The following HHIPL1 variants were observed in gnomAD, a reference collection of about 807,000 sequenced individuals.
HHIPL1 encodes the protein HHIP-like protein 1.
Under a neutral mutation model 61.8 loss-of-function variants are expected in HHIPL1, and 43 were observed. The observed-to-expected ratio is 0.70, with a 90% CI of 0.55 to 0.90. HHIPL1 has a LOEUF of 0.90. Ranked by LOEUF, HHIPL1 falls within the 40% of genes least tolerant of loss-of-function variation. The probability of loss-of-function intolerance (pLI) is 0.00; values close to 1 mark genes in which losing one functional copy is unlikely to be tolerated. For synonymous variants in HHIPL1, 482 were observed against 515.8 expected (o/e 0.93, Z 0.89); for missense variants, 1,056 against 1,157.7 (o/e 0.91, Z 1.28).
At chr14:99,659,161 A>G (rs1159389708) in intron 3 of HHIPL1, among the ~76,000 whole-genome samples, 1 of 152,220 alleles carries the variant, frequency 6.6e-6, no homozygotes, top group Non-Finnish European at 1.5e-5. Flanking sequence ...TGTTGTGAGG[A>G]CAAGACGAAA....
chr14:99,661,246 G>A (rs1365910960), intron 5 of HHIPL1, among the ~76,000 whole-genome samples: 1 of 152,130 alleles, frequency 6.6e-6, no homozygotes, highest in Non-Finnish European at 1.5e-5. Flanking sequence ...AGGTGACCTT[G>A]AGCCAGTTAC....
At position 99,668,187 on chromosome 14, in the gene HHIPL1, TG is replaced by T. The variant is rs2056276621; in HGVS notation, c.1649-30del. The T allele has an allele frequency of 7.5e-7, 1 of 1,335,638 alleles. No individual in the cohort carries two copies. Among genetic ancestry groups the T allele is most frequent in the Non-Finnish European group, 1.1e-6 (1 of 926,824 alleles). 82.7% of individuals were successfully genotyped at this position (1,335,638 alleles called of 1,614,324 possible). A position where few individuals can be genotyped will look rare whatever the true frequency, so the allele number is the denominator to read the frequency against. ...GGGCTGGCTGGGACGGTATTCCAGGTGGGGGTCTCACTAGTCACTTTGTTCT... is the reference window on the plus strand; with the variant it reads ...GGGCTGGCTGGGACGGTATTCCAGGTGGGGTCTCACTAGTCACTTTGTTCT... On this transcript the variant is annotated intron_variant, in intron 6 of 8. Transcript: ENST00000330710. This position sits in a 1 kb window ranked among gnomAD's most constrained non-coding sequence, Gnocchi z 4.7.
At chr14:99,614,927 C>G in the HHIPL1 span, among the ~76,000 whole-genome samples, 4 of 152,110 alleles carry the variant, frequency 2.6e-5, no homozygotes, top group Non-Finnish European at 5.9e-5. Flanking sequence ...GGACACAAGT[C>G]TCTCCATAAA....
At chr14:99,666,765 C>T (rs1347206026) in intron 6 of HHIPL1, among the ~76,000 whole-genome samples, 1 of 152,190 alleles carries the variant, frequency 6.6e-6, no homozygotes, top group Admixed American at 6.5e-5. Flanking sequence ...CCCAATGCTG[C>T]AGGCTGCATC....
At chr14:99,619,438 G>A in the HHIPL1 span, among the ~76,000 whole-genome samples, 1 of 150,674 alleles carries the variant, frequency 6.6e-6, no homozygotes, top group South Asian at 2.1e-4. Flanking sequence ...CTCTAGCCGG[G>A]GTGACAGTGC....
chr14:99,612,014 C>T, the HHIPL1 span, among the ~76,000 whole-genome samples: 3 of 152,186 alleles, frequency 2.0e-5, no homozygotes, highest in African/African-American at 4.8e-5. Flanking sequence ...CTTTCTTTAA[C>T]CTGCTTTGTC....
rs756403591 is a variant in HHIPL1, at chr14:99,675,378, G to A, written c.2101G>A (p.Asp701Asn). ...FVGGRWGTVC[D>N]DSWNISGAAV... is the part of the protein sequence containing the mutation. ...GGGCGGACGCTGGGGCACCGTGTGC[G>A]ACGACTCCTGGAACATCAGCGGCGC... The change falls in exon 9 of 9, where the codon GAC becomes AAC. Residue 701 changes from aspartate (D) to asparagine (N), a missense_variant. Physicochemically the swap from Asp to Asn is conservative, Grantham distance 23 (BLOSUM62 1). Coordinates refer to ENST00000330710, the MANE Select transcript of HHIPL1 (RefSeq NM_001127258.3). The surrounding 1 kb of genome is among the most constrained non-coding windows in gnomAD (Gnocchi z 5.4). The A allele has an allele frequency of 6.3e-4, 962 of 1,515,280 alleles. 5 individuals carry two copies. The highest frequency in any genetic ancestry group is 1.6e-4 in the Admixed American group (8 of 49,980). The allele number at this position is 1,515,280 out of a possible 1,614,324, so 93.9% of individuals were successfully genotyped here.
chr14:99,614,095 T>A, the HHIPL1 span, among the ~76,000 whole-genome samples: 1 of 152,092 alleles, frequency 6.6e-6, no homozygotes, highest in African/African-American at 2.4e-5. Context: ...CTGCACTCCC[T>A]CTCTGAGCCT....
At chr14:99,635,106 G>A in the HHIPL1 span, among the ~76,000 whole-genome samples, 10 of 152,092 alleles carry the variant, frequency 6.6e-5, no homozygotes, top group African/African-American at 2.4e-4. Flanking sequence ...GGGCAGGGGA[G>A]GGACACTCAA....
Position 99,675,695 on chromosome 14 carries a change from G to A in HHIPL1, c.*69G>A. On this transcript the variant is annotated 3_prime_UTR_variant, in exon 9 of 9. Coordinates refer to ENST00000330710, the MANE Select transcript of HHIPL1 (RefSeq NM_001127258.3). The surrounding 1 kb of genome is among the most constrained non-coding windows in gnomAD (Gnocchi z 5.4). ...TGGCAGGGGCCGCTCCGCCCTGTGT[G>A]CGCCCAGCGGGTGCACACGTGTTCT... 7.1e-7 allele frequency: 1 copy of A among 1,408,580 alleles called. No homozygotes were observed. Among genetic ancestry groups the A allele is most frequent in the African/African-American group, 1.4e-5 (1 of 68,974 alleles). The allele number at this position is 1,408,580 out of a possible 1,614,324, so 87.3% of individuals were successfully genotyped here. A position where few individuals can be genotyped will look rare whatever the true frequency, so the allele number is the denominator to read the frequency against.
At chr14:99,657,183 T>C (rs2056062534) in intron 3 of HHIPL1, 40 bp downstream of exon 3, 2 of 1,605,806 alleles carry the variant, frequency 1.2e-6, no homozygotes, top group African/African-American at 1.3e-5. Flanking sequence ...TTGGTCTCCA[T>C]ATCCCTGGGC....
At chr14:99,615,691 G>T in the HHIPL1 span, among the ~76,000 whole-genome samples, 1 of 147,442 alleles carries the variant, frequency 6.8e-6, no homozygotes, top group Admixed American at 6.8e-5. Context: ...AGGAAAGAAA[G>T]AAAGAGAAAG....
the HHIPL1 span, among the ~76,000 whole-genome samples, chr14:99,630,277 C>T: frequency 6.6e-6 from 1 of 152,212 alleles, no homozygotes; most frequent in Non-Finnish European, 1.5e-5. Flanking sequence ...ACCGGGCAGG[C>T]GGTGGTTAAT....
chr14:99,606,791 G>T, the HHIPL1 span, among the ~76,000 whole-genome samples: 1 of 152,082 alleles, frequency 6.6e-6, no homozygotes, highest in African/African-American at 2.4e-5. Context: ...TTGAGGGAGG[G>T]TCTCTCTGCT....
chr14:99,612,257 C>T, the HHIPL1 span, among the ~76,000 whole-genome samples: 1 of 152,122 alleles, frequency 6.6e-6, no homozygotes, highest in Non-Finnish European at 1.5e-5. Context: ...GAGAAACTGC[C>T]CTTATGATTC....
the HHIPL1 span, among the ~76,000 whole-genome samples, chr14:99,613,043 A>AG: frequency 6.6e-6 from 1 of 152,136 alleles, no homozygotes; most frequent in African/African-American, 2.4e-5. Context: ...TGCTGGCTGC[A>AG]GGCCCAGCCC....
rs779775852 is a variant in HHIPL1, at chr14:99,652,284, A to G, written c.316A>G (p.Thr106Ala). Residue 106 changes from threonine (T) to alanine (A), a missense_variant, in exon 2 of 9, where the codon ACG (threonine) becomes GCG (alanine). Coordinates refer to ENST00000330710, the MANE Select transcript of HHIPL1 (RefSeq NM_001127258.3). ...CGAGGACCCATTCACGCCCCTGCGC[A>G]CGGTGCCCGGGCTCTGCCAGGATTA... ...DAEDPFTPLR[T>A]VPGLCQDYCL... 4 of 1,613,840 alleles carry G rather than the reference A, an allele frequency of 2.5e-6. No homozygotes were observed. The highest frequency in any genetic ancestry group is 3.4e-6 in the Non-Finnish European group (4 of 1,179,992).
chr14:99,669,079 CT>C, intron 7 of HHIPL1: 2 of 1,435,598 alleles, frequency 1.4e-6, no homozygotes, highest in African/African-American at 1.4e-5. Context: ...CTCCAGGCCT[CT>C]GTCCAGCCCT....
the HHIPL1 span, among the ~76,000 whole-genome samples, chr14:99,635,010 C>T: frequency 2.6e-3 from 401 of 152,270 alleles, no homozygotes; most frequent in Middle Eastern, 0.01. Flanking sequence ...CAGTCACTAC[C>T]TCCCCTCCGA....
Sources: gnomAD v4.1 joint callset for allele counts (sites outside exome capture counted in the v4.1 genomes callset) on GRCh38, gnomAD v4.1.1 for gene constraint, Gnocchi (gnomAD v3.1) non-coding constraint, MANE v1.5 for transcripts, NCBI Gene and HGNC (gene_info 2026-07-23, HGNC 2026-07-21) for gene names.